ACOT7: variants seen among roughly 807,000 people sequenced by gnomAD.
ACOT7 encodes the protein cytosolic acyl coenzyme A thioester hydrolase.
Under a neutral mutation model 40.2 loss-of-function variants are expected in ACOT7, and 12 were observed. The ratio of observed to expected loss-of-function variants is 0.30; its 90% CI spans 0.19 to 0.48. ACOT7 has a LOEUF of 0.48. ACOT7 is among the 20% of genes least tolerant of loss of function. ACOT7 has a pLI of 0.99. For synonymous variants in ACOT7, 228 were observed against 219.5 expected, an observed-to-expected ratio of 1.04 and a Z score of -0.34; for missense variants, 395 against 530.8, an observed-to-expected ratio of 0.74 and a Z score of 2.51.
intron 1 of ACOT7, among the ~76,000 whole-genome samples, chr1:6,356,151 A>C (rs566992051): frequency 1.3e-4 from 20 of 152,318 alleles, no homozygotes; most frequent in African/African-American, 4.8e-4. Flanking sequence ...CCTTATAGGA[A>C]CAGGGAAGTC....
At chr1:6,317,449 C>T (rs889655459) in intron 6 of ACOT7, among the ~76,000 whole-genome samples, 3 of 152,150 alleles carry the variant, frequency 2.0e-5, no homozygotes, top group East Asian at 1.9e-4. Context: ...AGCCAAGCTA[C>T]GAACTTTAAG....
At chr1:6,318,125 G>A (rs949755670) in intron 6 of ACOT7, among the ~76,000 whole-genome samples, 1 of 152,086 alleles carries the variant, frequency 6.6e-6, no homozygotes, top group African/African-American at 2.4e-5. Flanking sequence ...GCACGATCAT[G>A]GCTCACTGCA....
chr1:6,305,456 C>A (rs1017400587), intron 6 of ACOT7, among the ~76,000 whole-genome samples: 1 of 151,816 alleles, frequency 6.6e-6, no homozygotes, highest in Non-Finnish European at 1.5e-5. Flanking sequence ...GGTGGAGACG[C>A]TCCTCACTTC....
chr1:6,285,455 G>A (rs950353152), intron 7 of ACOT7, among the ~76,000 whole-genome samples: 10 of 152,222 alleles, frequency 6.6e-5, no homozygotes, highest in Non-Finnish European at 1.3e-4. Context: ...GGGCAGTCAC[G>A]TGCTGGCCGT....
At chr1:6,305,369 C>T (rs1232618270) in intron 6 of ACOT7, among the ~76,000 whole-genome samples, 6 of 146,104 alleles carry the variant, frequency 4.1e-5, no homozygotes, top group East Asian at 2.1e-4. Flanking sequence ...GCTGGCCGGG[C>T]GGGGGGCTGA....
intron 7 of ACOT7, among the ~76,000 whole-genome samples, chr1:6,293,315 C>T (rs1365129504): frequency 2.0e-5 from 3 of 152,254 alleles, no homozygotes; most frequent in South Asian, 2.1e-4. Flanking sequence ...TCACCCTAAT[C>T]GTGATTTACC....
At chr1:6,336,497 G>A (rs1176338675) in intron 3 of ACOT7, among the ~76,000 whole-genome samples, 1 of 152,096 alleles carries the variant, frequency 6.6e-6, no homozygotes, top group Non-Finnish European at 1.5e-5. Context: ...CGTCTGCCTG[G>A]GCCTGTGCTC....
rs184139598 is a variant in ACOT7 at position 6,301,640 on chromosome 1, G to T, written c.713-6660C>A. On this transcript the variant is annotated intron_variant, in intron 6 of 8. Transcript: ENST00000361521. The surrounding 1 kb of genome is among the most constrained non-coding windows in gnomAD (Gnocchi z 4.1). ...TGAATGAATGAATTAATCAATGAAT[G>T]AATGCAGGTTGACTAACAGGTCACA... Among the ~76,000 whole-genome samples the T allele has an allele frequency of 3.6e-3, 544 of 152,358 alleles. 3 individuals carry two copies. The highest frequency in any genetic ancestry group is 0.013 in the African/African-American group (525 of 41,580).
chr1:6,363,815 G>A (rs912655452), intron 1 of ACOT7, among the ~76,000 whole-genome samples: 42 of 152,178 alleles, frequency 2.8e-4, no homozygotes, highest in Non-Finnish European at 3.1e-4. Flanking sequence ...GTTGTCCCCC[G>A]GGCCCAGCTG....
At chr1:6,279,160 G>A (rs539615827) in intron 8 of ACOT7, among the ~76,000 whole-genome samples, 32 of 152,216 alleles carry the variant, frequency 2.1e-4, no homozygotes, top group Non-Finnish European at 4.1e-4. Context: ...TGTCCAAGGT[G>A]AAAGGAGAAC....
intron 5 of ACOT7, 152 bp from the exon 6 acceptor site, chr1:6,318,730 T>A: frequency 1.3e-6 from 1 of 746,174 alleles, no homozygotes; most frequent in Non-Finnish European, 2.3e-6. Flanking sequence ...AAAACTATGG[T>A]CTCCAAACAG....
At chr1:6,309,039 T>A (rs538397261) in intron 6 of ACOT7, among the ~76,000 whole-genome samples, 1 of 152,380 alleles carries the variant, frequency 6.6e-6, no homozygotes, top group East Asian at 1.9e-4. Flanking sequence ...ACAGTCATGT[T>A]CGCCCTGTCG....
At chr1:6,319,711 C>T (rs938119956) in intron 5 of ACOT7, among the ~76,000 whole-genome samples, 1 of 152,212 alleles carries the variant, frequency 6.6e-6, no homozygotes, top group African/African-American at 2.4e-5. Flanking sequence ...CTGGCGCTTG[C>T]GTTGAAAACA....
chr1:6,369,351 A>T (rs1642081833), intron 1 of ACOT7, among the ~76,000 whole-genome samples: 1 of 151,354 alleles, frequency 6.6e-6, no homozygotes, highest in Non-Finnish European at 1.5e-5. Flanking sequence ...TACATTGCCC[A>T]GATCAGAAGA....
intron 8 of ACOT7, among the ~76,000 whole-genome samples, chr1:6,269,576 T>C (rs1031608143): frequency 6.6e-6 from 1 of 152,254 alleles, no homozygotes; most frequent in Non-Finnish European, 1.5e-5. Flanking sequence ...GTGCAGGTCA[T>C]TCTCAGGGTC....
chr1:6,339,233 C>T lies in ACOT7; in HGVS notation c.418+200G>A, dbSNP rs111953472. ...TGCTCTGGGTAACTGAACTCGTTTC[C>T]TAACCCCTCTGTGCCCCTTTCCTGT... On this transcript the variant is annotated intron_variant, in intron 3 of 8. Coordinates refer to ENST00000361521, the MANE Select transcript of ACOT7 (RefSeq NM_007274.4). 1.5e-3 allele frequency among the ~76,000 whole-genome samples: 221 copies of T among 152,346 alleles called. 1 individual carries two copies. The highest frequency in any genetic ancestry group is 9.3e-3 in the South Asian group (45 of 4,826).
At chr1:6,384,350 G>T (rs1247466675) in intron 1 of ACOT7, among the ~76,000 whole-genome samples, 1 of 151,710 alleles carries the variant, frequency 6.6e-6, no homozygotes, top group African/African-American at 2.4e-5. Context: ...TTCAAAAGAT[G>T]GATAATAACA....
At chr1:6,344,450 C>G (rs12026842) in intron 2 of ACOT7, among the ~76,000 whole-genome samples, 1 of 152,184 alleles carries the variant, frequency 6.6e-6, no homozygotes, top group East Asian at 1.9e-4. Flanking sequence ...GAGCTTGGTT[C>G]TCTCCCAGCT....
At chr1:6,270,047 T>C (rs1638983286) in intron 8 of ACOT7, among the ~76,000 whole-genome samples, 1 of 152,196 alleles carries the variant, frequency 6.6e-6, no homozygotes, top group Non-Finnish European at 1.5e-5. Flanking sequence ...GCGGTGTCTG[T>C]CCCATGGTAG....
Sources: gnomAD v4.1 joint callset for allele counts (sites outside exome capture counted in the v4.1 genomes callset) on GRCh38, gnomAD v4.1.1 for gene constraint, Gnocchi (gnomAD v3.1) non-coding constraint, MANE v1.5 for transcripts, NCBI Gene and HGNC (gene_info 2026-07-23, HGNC 2026-07-21) for gene names.